Variants in NHSL1 observed in about 807,000 individuals in gnomAD.
NHSL1 encodes NHS like 1.
In NHSL1, 48 loss-of-function variants were observed where a neutral mutation model predicts 95.0. The ratio of observed to expected loss-of-function variants is 0.51; its 90% CI spans 0.40 to 0.64. The LOEUF (loss-of-function observed/expected upper bound fraction) is 0.64, where lower values mean the gene tolerates loss of function less well. NHSL1 is among the 30% of genes least tolerant of loss of function. NHSL1 has a pLI of 0.00. For missense variants in NHSL1, 1,971 were observed against 2,077.7 expected, an observed-to-expected ratio of 0.95 and a Z score of 1.00; for synonymous variants, 783 against 833.9, an observed-to-expected ratio of 0.94 and a Z score of 1.05.
chr6:138,642,178 C>T (rs903087184), intron 1 of NHSL1, among the ~76,000 whole-genome samples: 3 of 151,878 alleles, frequency 2.0e-5, no homozygotes, highest in South Asian at 2.1e-4. Flanking sequence ...TATAGAATAC[C>T]TAATTCTACA....
intron 3 of NHSL1, among the ~76,000 whole-genome samples, chr6:138,456,085 C>T (rs1430309537): frequency 6.6e-6 from 1 of 152,164 alleles, no homozygotes; most frequent in Non-Finnish European, 1.5e-5. Flanking sequence ...ACCAACTCTC[C>T]AAGGTAGGTT....
intron 2 of NHSL1, among the ~76,000 whole-genome samples, chr6:138,489,457 C>T (rs1779900890): frequency 1.3e-5 from 2 of 152,162 alleles, no homozygotes; most frequent in Admixed American, 1.3e-4. Context: ...CACATGACAC[C>T]TGGACTTCTG....
At chr6:138,597,448 G>A (rs79484134) in intron 1 of NHSL1, among the ~76,000 whole-genome samples, 6,461 of 152,222 alleles carry the variant, frequency 0.042, 181 homozygotes, top group South Asian at 0.072. Context: ...AATCATCACG[G>A]AACTTTAGTC....
At chr6:138,452,467 A>T (rs1024630357) in intron 3 of NHSL1, among the ~76,000 whole-genome samples, 1 of 152,256 alleles carries the variant, frequency 6.6e-6, no homozygotes, top group African/African-American at 2.4e-5. Flanking sequence ...TTGATTTGTT[A>T]GTAAAAGTTA....
chr6:138,511,865 T>C (rs1486074129), intron 1 of NHSL1, among the ~76,000 whole-genome samples: 1 of 151,922 alleles, frequency 6.6e-6, no homozygotes. Context: ...CCGAGATTGC[T>C]CCACCGCACT....
intron 1 of NHSL1, among the ~76,000 whole-genome samples, chr6:138,527,026 C>A (rs1781932980): frequency 6.6e-6 from 1 of 152,206 alleles, no homozygotes. Context: ...TCTACCCTGT[C>A]ATGTGTCTAA....
chr6:138,424,055 C>T lies in NHSL1; in HGVS notation c.*26G>A. ...CTGCATTGCTCGTCTCCCCCCGTGT[C>T]ACCTGGGAGAGTTACGTTCTTGGCC... On this transcript the variant is annotated 3_prime_UTR_variant, in exon 8 of 8. Transcript: ENST00000343505. The surrounding 1 kb of genome is among the most constrained non-coding windows in gnomAD (Gnocchi z 5.9). The T allele has an allele frequency of 2.2e-6, 3 of 1,356,568 alleles. No individual in the cohort carries two copies. Among genetic ancestry groups the T allele is most frequent in the Non-Finnish European group, 2.8e-6 (3 of 1,057,172 alleles). The allele number at this position is 1,356,568 out of a possible 1,614,324, so 84.0% of individuals were successfully genotyped here. A position where few individuals can be genotyped will look rare whatever the true frequency, so the allele number is the denominator to read the frequency against.
intron 1 of NHSL1, among the ~76,000 whole-genome samples, chr6:138,592,503 G>A (rs972789978): frequency 1.3e-5 from 2 of 152,166 alleles, no homozygotes; most frequent in Non-Finnish European, 2.9e-5. Context: ...GTCTCAGGCT[G>A]AGGCATGAGA....
At chr6:138,571,907 TTCA>T in exon 1 of NHSL1, 1 of 1,551,058 alleles carries the variant, frequency 6.4e-7, no homozygotes. Context: ...GCCTTCCTTT[TTCA>T]TCTTCTTTTC....
intron 1 of NHSL1, among the ~76,000 whole-genome samples, chr6:138,596,949 AGGAGATT>A (rs1784310005): frequency 6.6e-6 from 1 of 152,120 alleles, no homozygotes; most frequent in African/African-American, 2.4e-5. Flanking sequence ...AAGACCTACC[AGGAGATT>A]GAGATCAGCC....
chr6:138,554,155 C>T (rs1783110757), intron 1 of NHSL1, among the ~76,000 whole-genome samples: 2 of 152,122 alleles, frequency 1.3e-5, no homozygotes, highest in East Asian at 3.8e-4. Context: ...TGCCACTATG[C>T]CTAACATATG....
rs1778867803 is a variant in NHSL1, at chr6:138,473,335, GGT to G, written c.308_309del (p.Tyr103SerfsTer3). 6.5e-7 allele frequency: 1 copy of G among 1,546,580 alleles called. No homozygotes were observed. Among genetic ancestry groups the G allele is most frequent in the Non-Finnish European group, 8.7e-7 (1 of 1,145,132 alleles). Reference protein sequence around the residue: ...AANASPFCDDYQDEDEETDQK... With the variant: ...AANASPFCDDXQDEDEETDQK... ...TGATCTGTTTCTTCATCTTCATCTT[GGT>G]AATCATCACAGAATGGGCTGGCGTT... On this transcript the variant is annotated frameshift_variant, in exon 3 of 8. Coordinates refer to ENST00000343505, the MANE Select transcript of NHSL1 (RefSeq NM_001144060.2). LOFTEE classifies it high-confidence loss of function.
chr6:138,503,092 T>A (rs980916142), upstream of NHSL1, among the ~76,000 whole-genome samples: 1 of 152,210 alleles, frequency 6.6e-6, no homozygotes, highest in Non-Finnish European at 1.5e-5. Context: ...AAGATTTTAT[T>A]TCAATTTTTA....
chr6:138,672,750 G>A (rs990617775), intron 1 of NHSL1, among the ~76,000 whole-genome samples: 1 of 152,158 alleles, frequency 6.6e-6, no homozygotes, highest in Non-Finnish European at 1.5e-5. Context: ...TGGGCGCAGT[G>A]GCTCACACCT....
chr6:138,446,299 A>G (rs1047154230), intron 4 of NHSL1, among the ~76,000 whole-genome samples: 4 of 152,026 alleles, frequency 2.6e-5, no homozygotes, highest in African/African-American at 9.7e-5. Flanking sequence ...AGCCTCCCAA[A>G]GTGCTGGGAT....
chr6:138,431,046 T>C lies in NHSL1; in HGVS notation c.3299A>G (p.Gln1100Arg), dbSNP rs1775616581. 1.3e-6 allele frequency: 2 copies of C among 1,552,050 alleles called. No individual in the cohort carries two copies. Among genetic ancestry groups the C allele is most frequent in the Admixed American group, 2.0e-5 (1 of 50,984 alleles). ...GTACTGTGGAGCAACTGGAGTTCGT[T>C]GTTCCTGAGCTGTTCGTTCAGACAA... is the stretch of plus-strand genomic sequence containing the variant. ...AQLSERTAQE[Q>R]RTPVAPQYHL... is the part of the protein sequence containing the mutation. Residue 1100 changes from glutamine to arginine, a missense_variant, in exon 6 of 8, where the codon CAA becomes CGA. Physicochemically the swap from Gln to Arg is conservative, Grantham distance 43. This residue lies in a region of NHSL1 where 1,602 missense variants were observed against 1,654.5 expected (regional missense o/e 0.97). Transcript: ENST00000343505. The surrounding 1 kb of genome is among the most constrained non-coding windows in gnomAD (Gnocchi z 4.0).
At chr6:138,649,725 C>T (rs1316486052) in intron 1 of NHSL1, among the ~76,000 whole-genome samples, 2 of 152,178 alleles carry the variant, frequency 1.3e-5, no homozygotes, top group African/African-American at 4.8e-5. Flanking sequence ...GCAGGCAGAG[C>T]CTAGCATTTG....
chr6:138,444,792 T>C (rs1473436766), intron 4 of NHSL1, among the ~76,000 whole-genome samples: 2 of 152,210 alleles, frequency 1.3e-5, no homozygotes, highest in Admixed American at 1.3e-4. Flanking sequence ...TTTAAATTTA[T>C]TGCTTCTTTA....
In NHSL1 at chr6:138,593,521, CG is replaced by C. The variant is rs540701049; in HGVS notation, c.97-97151del. Among the ~76,000 whole-genome samples the C allele has an allele frequency of 6.3e-4, 96 of 152,346 alleles. 2 individuals carry two copies. Among genetic ancestry groups the C allele is most frequent in the Admixed American group, 4.0e-3 (61 of 15,310 alleles). On this transcript the variant is annotated intron_variant, in intron 1 of 3. Transcript: ENST00000491526. ...GCAATTCTCAAATCAGTGAGGCCAA[CG>C]GCTAACTAAACTTAAAAATAAAAGG...
Sources: gnomAD v4.1 joint callset for allele counts (sites outside exome capture counted in the v4.1 genomes callset) on GRCh38, gnomAD v4.1.1 for gene constraint, gnomAD v4.1.1 regional missense constraint, Gnocchi (gnomAD v3.1) non-coding constraint, MANE v1.5 for transcripts, NCBI Gene and HGNC (gene_info 2026-07-23, HGNC 2026-07-21) for gene names.